The following GLYR1 variants were observed in gnomAD, a reference collection of about 807,000 sequenced individuals.
The protein encoded by GLYR1 is glyoxylate reductase 1 homolog.
GLYR1 carries 21 observed loss-of-function variants against 72.7 expected under a neutral mutation model. The ratio of observed to expected loss-of-function variants is 0.29; its 90% CI spans 0.20 to 0.42. The LOEUF is 0.42. Ranked by LOEUF, GLYR1 falls within the 10% of genes least tolerant of loss-of-function variation. The pLI, the probability that GLYR1 is intolerant of heterozygous loss-of-function variation, is 1.00. For synonymous variants in GLYR1, 392 were observed against 270.2 expected, an observed-to-expected ratio of 1.45 and a Z score of -4.42; for missense variants, 594 against 712.1, an observed-to-expected ratio of 0.83 and a Z score of 1.89.
chr16:4,840,157 T>C (rs529902549), intron 3 of GLYR1: 1 of 152,696 alleles, frequency 6.5e-6, no homozygotes, highest in East Asian at 1.9e-4. Context: ...GCCCCTTTTA[T>C]GCAGTGCTCC....
rs148909334 is a variant in GLYR1, at chr16:4,846,622, C to T, written c.39-412G>A. ...AACAAGCTACGCAGCTCGAGGGAGGCGGCGACAAAGTCTTGGTTCGGGCGG... is the reference window on the plus strand; with the variant it reads ...AACAAGCTACGCAGCTCGAGGGAGGTGGCGACAAAGTCTTGGTTCGGGCGG... On this transcript the variant is annotated intron_variant, in intron 1 of 15. Coordinates refer to ENST00000321919, the MANE Select transcript of GLYR1 (RefSeq NM_032569.4). 376 of 248,886 alleles carry T rather than the reference C, an allele frequency of 1.5e-3. 2 individuals are homozygous for T. The highest frequency in any genetic ancestry group is 7.8e-3 in the African/African-American group (351 of 45,216). 15.4% of individuals were successfully genotyped at this position (248,886 alleles called of 1,614,324 possible).
At chr16:4,813,687 G>A (rs371191180) in intron 12 of GLYR1, 50 bp downstream of exon 12, 60 of 1,469,214 alleles carry the variant, frequency 4.1e-5, no homozygotes, top group Non-Finnish European at 5.4e-5. Context: ...CCTGGGTCTT[G>A]GGCTCTGATA....
At position 4,812,312 on chromosome 16, in the gene GLYR1, A is replaced by T. The variant is rs1450862051; in HGVS notation, c.1120-64T>A. 3 of 1,543,076 alleles carry T rather than the reference A, an allele frequency of 1.9e-6. No homozygotes were observed. In the East Asian group the frequency reaches 6.9e-5, roughly 35 times the overall value. On this transcript the variant is annotated intron_variant, in intron 12 of 15. Transcript: ENST00000321919. ...TCCCAGCGCTCTCTGGGCAGGACTCAAGGAGTGTTGCTGAGTGGCCACGGC... is the reference window on the plus strand; with the variant it reads ...TCCCAGCGCTCTCTGGGCAGGACTCTAGGAGTGTTGCTGAGTGGCCACGGC...
chr16:4,829,675 AT>A lies in GLYR1; in HGVS notation c.537+2303del, dbSNP rs963420544. On this transcript the variant is annotated intron_variant, in intron 5 of 15. Transcript: ENST00000321919. ...CTAATTTTTAATTCATTTATATTAA[AT>A]TTTTTTTTTTCTTTGAGACGGAGTC... Among the ~76,000 whole-genome samples, 158 of 140,366 alleles carry A rather than the reference AT, an allele frequency of 1.1e-3. 3 individuals are homozygous for A. Among genetic ancestry groups the A allele is most frequent in the African/African-American group, 2.7e-3 (103 of 38,152 alleles). The allele number at this position is 140,366 out of a possible 152,430, so 92.1% of individuals were successfully genotyped here. A position where few individuals can be genotyped will look rare whatever the true frequency, so the allele number is the denominator to read the frequency against.
intron 9 of GLYR1, among the ~76,000 whole-genome samples, chr16:4,818,711 C>G (rs1035713908): frequency 4.6e-5 from 7 of 152,158 alleles, no homozygotes; most frequent in African/African-American, 1.7e-4. Context: ...AACTTCAATT[C>G]TCTACCCACA....
At chr16:4,819,498 A>G (rs2083875580) in intron 9 of GLYR1, among the ~76,000 whole-genome samples, 1 of 151,844 alleles carries the variant, frequency 6.6e-6, no homozygotes, top group Admixed American at 6.6e-5. Flanking sequence ...TTTTGTAGAG[A>G]CGGGGTCTTG....
chr16:4,810,790 T>TAAAAGA (rs143991977), intron 15 of GLYR1, among the ~76,000 whole-genome samples: 19 of 117,350 alleles, frequency 1.6e-4, no homozygotes, highest in Admixed American at 3.7e-4. Flanking sequence ...TGTCTCAAAA[T>TAAAAGA]AAAAGAAAAA....
chr16:4,811,784 G>C lies in GLYR1; in HGVS notation c.1301C>G (p.Ala434Gly), dbSNP rs758825584. 6.2e-7 allele frequency: 1 copy of C among 1,613,524 alleles called. No homozygotes were observed. The highest frequency in any genetic ancestry group is 8.5e-7 in the Non-Finnish European group (1 of 1,179,722). Residue 434 changes from alanine to glycine, a missense_variant, in exon 14 of 16, where the codon GCC becomes GGC. By Grantham distance (60) the Ala-to-Gly change is moderately conservative. Coordinates refer to ENST00000321919, the MANE Select transcript of GLYR1 (RefSeq NM_032569.4). Reference protein sequence around the residue: ...SFFLGEVGNAAKMMLIVNMVQ... With the variant: ...SFFLGEVGNAGKMMLIVNMVQ... ...CATGTTCACGATCAGCATCATCTTG[G>C]CTGCATTGCCCACTTCACCTGCCCA... is the stretch of plus-strand genomic sequence containing the variant.
chr16:4,822,098 C>A (rs1250374648), intron 7 of GLYR1, among the ~76,000 whole-genome samples: 4 of 100,166 alleles, frequency 4.0e-5, no homozygotes, highest in Non-Finnish European at 4.3e-5. Context: ...GTTTTAAATG[C>A]TCTTCTGAGA....
chr16:4,825,435 C>A, intron 5 of GLYR1, among the ~76,000 whole-genome samples: 1 of 152,218 alleles, frequency 6.6e-6, no homozygotes, highest in Non-Finnish European at 1.5e-5. Flanking sequence ...CTCCTTGGCT[C>A]AGGCTCGCTT....
Position 4,821,599 on chromosome 16 carries a change from TAATG to T in GLYR1, c.682-6_682-3del. ...GATTGCCTGGTAACAGACAGCTGGCTAATGAAGGAGGAGGAAAGAGACTACTTGT... is the reference window on the plus strand; with the variant it reads ...GATTGCCTGGTAACAGACAGCTGGCTAAGGAGGAGGAAAGAGACTACTTGT... On this transcript the variant is annotated splice_polypyrimidine_tract_variant and splice_region_variant and intron_variant, in intron 7 of 15. Transcript: ENST00000321919. The T allele has an allele frequency of 6.2e-7, 1 of 1,613,806 alleles. No homozygotes were observed. Among genetic ancestry groups the T allele is most frequent in the East Asian group, 2.2e-5 (1 of 44,892 alleles).
Position 4,828,339 on chromosome 16 carries a change from G to A in GLYR1, c.537+3640C>T, listed in dbSNP as rs192371278. 5.3e-5 allele frequency among the ~76,000 whole-genome samples: 8 copies of A among 152,116 alleles called. No homozygotes were observed. In the East Asian group the frequency reaches 7.7e-4, roughly 15 times the overall value. ...CCGCCTCGGCCTCCCAAAGCGCTGG[G>A]ATTACAGGCGTGAGCCACCGCGCCC... On this transcript the variant is annotated intron_variant, in intron 5 of 15. Coordinates refer to ENST00000321919, the MANE Select transcript of GLYR1 (RefSeq NM_032569.4).
chr16:4,837,932 AAAATAAATAAAT>A (rs59357306), intron 3 of GLYR1, among the ~76,000 whole-genome samples: 10,558 of 142,458 alleles, frequency 0.074, 425 homozygotes, highest in African/African-American at 0.1. Flanking sequence ...TCCATCTCAA[AAAATAAATAAAT>A]AAATAAATAA....
intron 15 of GLYR1, 50 bp downstream of exon 15, chr16:4,811,120 A>G: frequency 2.6e-6 from 4 of 1,566,546 alleles, no homozygotes. Context: ...AAAAAAAAAG[A>G]AAGAAAAAGA....
intron 15 of GLYR1, 101 bp downstream of exon 15, chr16:4,811,069 C>T: frequency 3.5e-6 from 5 of 1,428,416 alleles, no homozygotes; most frequent in Middle Eastern, 2.6e-4. Flanking sequence ...CGCACCAGTG[C>T]ACTCTAGCCT....
At chr16:4,806,750 A>G (rs2083002095) in intron 15 of GLYR1, among the ~76,000 whole-genome samples, 1 of 152,126 alleles carries the variant, frequency 6.6e-6, no homozygotes, top group African/African-American at 2.4e-5. Context: ...CTAAAAAAAG[A>G]ATGCAGAGGC....
chr16:4,811,281 T>C lies in GLYR1; in HGVS notation c.1476A>G (p.Gly492=). The change falls in exon 15 of 16, where the codon GGA becomes GGG. Residue 492 remains glycine (G), a synonymous_variant. Transcript: ENST00000321919. The part of the protein sequence containing the change: ...LDQKCQNILQ[G]NFKPDFYLKY... ...TCAGGTAGAAATCAGGCTTAAAGTT[T>C]CCTTGCAGGATATCTGAGGAGAAAA... 1 of 1,613,848 alleles carries C rather than the reference T, an allele frequency of 6.2e-7. No individual in the cohort carries two copies. The highest frequency in any genetic ancestry group is 8.5e-7 in the Non-Finnish European group (1 of 1,179,942).
At chr16:4,811,849 C>A (rs200073565) in intron 13 of GLYR1, 47 bp from the exon 14 acceptor site, 2 of 1,574,798 alleles carry the variant, frequency 1.3e-6, no homozygotes, top group Non-Finnish European at 1.7e-6. Flanking sequence ...ATGCCACAGA[C>A]AGGGCTTCTC....
chr16:4,821,988 C>T (rs1247075095), intron 7 of GLYR1, among the ~76,000 whole-genome samples: 1 of 152,214 alleles, frequency 6.6e-6, no homozygotes, highest in African/African-American at 2.4e-5. Context: ...GAAGATGTGT[C>T]TGCCATGCAA....
Sources: gnomAD v4.1 joint callset for allele counts (sites outside exome capture counted in the v4.1 genomes callset) on GRCh38, gnomAD v4.1.1 for gene constraint, MANE v1.5 for transcripts, NCBI Gene and HGNC (gene_info 2026-07-23, HGNC 2026-07-21) for gene names.